The following DOCK8 variants were observed in gnomAD, a reference collection of about 807,000 sequenced individuals.
DOCK8 encodes dedicator of cytokinesis 8, also known as dedicator of cytokinesis protein 8.
DOCK8 carries 141 observed loss-of-function variants against 245.6 expected under a neutral mutation model. The observed-to-expected ratio is 0.57, with a 90% confidence interval of 0.50 to 0.66. The LOEUF is 0.66. Ranked by LOEUF, DOCK8 falls within the 30% of genes least tolerant of loss-of-function variation. The probability of loss-of-function intolerance (pLI) is 0.00; values close to 1 mark genes in which losing one functional copy is unlikely to be tolerated. For missense variants in DOCK8, 2,965 were observed against 2,603.4 expected, an observed-to-expected ratio of 1.14 and a Z score of -3.02; for synonymous variants, 1,168 against 970.2, an observed-to-expected ratio of 1.20 and a Z score of -3.79.
chr9:368,281 G>C, intron 15 of DOCK8, 146 bp downstream of exon 15: 1 of 794,294 alleles, frequency 1.3e-6, no homozygotes, highest in Non-Finnish European at 2.3e-6. Context: ...CTGTGCCCAG[G>C]ATATCAGTGG....
At chr9:285,591 G>A (rs1240717580) in intron 2 of DOCK8, among the ~76,000 whole-genome samples, 2 of 152,064 alleles carry the variant, frequency 1.3e-5, no homozygotes, top group Admixed American at 6.6e-5. Flanking sequence ...TCTTAGGGTG[G>A]TCATTCCTAA....
intron 1 of DOCK8, among the ~76,000 whole-genome samples, chr9:223,639 G>C (rs1354545119): frequency 6.6e-6 from 1 of 150,718 alleles, no homozygotes; most frequent in Non-Finnish European, 1.5e-5. Context: ...TTTTTTTAGG[G>C]AGAATCTGCT....
At position 289,523 on chromosome 9, in the gene DOCK8, C is replaced by T; in HGVS notation, c.346C>T (p.Pro116Ser). 1 of 1,613,492 alleles carries T rather than the reference C, an allele frequency of 6.2e-7. No individual in the cohort carries two copies. The highest frequency in any genetic ancestry group is 8.5e-7 in the Non-Finnish European group (1 of 1,179,650). Residue 116 changes from proline (P) to serine (S), a missense_variant, in exon 4 of 48, where the codon CCT (proline) becomes TCT (serine). Coordinates refer to ENST00000432829, the MANE Select transcript of DOCK8 (RefSeq NM_203447.4). ...CTACCTCATTAGGGTTGAACTGGAC[C>T]CTCATGTCAGGGACTGTGTTCAGAC... ...SLPEEGVELD[P>S]HVRDCVQTYI...
chr9:319,140 C>G (rs1012992482), intron 7 of DOCK8, among the ~76,000 whole-genome samples: 7 of 151,516 alleles, frequency 4.6e-5, no homozygotes, highest in African/African-American at 1.7e-4. Context: ...CTACCAAAAA[C>G]TAACAGATGT....
rs769914063 is a variant in DOCK8 at position 390,514 on chromosome 9, G to C, written c.2918G>C (p.Gly973Ala). Residue 973 changes from glycine to alanine, a missense_variant, in exon 24 of 48, where the codon GGA becomes GCA. Physicochemically the swap from Gly to Ala is moderately conservative, Grantham distance 60. Coordinates refer to ENST00000432829, the MANE Select transcript of DOCK8 (RefSeq NM_203447.4). ...ELALQMVVST[G>A]MVRETVFKYA... ...GCCCTTCAGATGGTGGTCAGCACCG[G>C]AATGGTGAGAGAAACAGTCTTCAAG... 2.5e-6 allele frequency: 4 copies of C among 1,614,032 alleles called. No homozygotes were observed. Among genetic ancestry groups the C allele is most frequent in the Non-Finnish European group, 3.4e-6 (4 of 1,180,004 alleles).
chr9:433,797 C>A, intron 37 of DOCK8, 78 bp from the exon 38 acceptor site: 3 of 1,231,158 alleles, frequency 2.4e-6, no homozygotes, highest in South Asian at 1.2e-5. Context: ...ATGGCTTCCC[C>A]TTGCATTTCA....
In DOCK8 at chr9:420,458, T is replaced by G. The variant is rs1302794627; in HGVS notation, c.3898T>G (p.Phe1300Val). Reference protein sequence around the residue: ...ADTTRNLMICFLWIMKNADQS... With the variant: ...ADTTRNLMICVLWIMKNADQS... ...CACTACTCGCAACCTCATGATCTGC[T>G]TCCTCTGGATCATGAAAAATGCTGA... is the stretch of plus-strand genomic sequence containing the variant. Residue 1300 changes from phenylalanine (F) to valine (V), a missense_variant, in exon 31 of 48, where the codon TTC (phenylalanine) becomes GTC (valine). By Grantham distance (50) the Phe-to-Val change is conservative. Transcript: ENST00000432829. The G allele has an allele frequency of 4.3e-6, 7 of 1,614,072 alleles. No homozygotes were observed. Among genetic ancestry groups the G allele is most frequent in the African/African-American group, 1.3e-5 (1 of 74,924 alleles).
At chr9:434,156 T>G (rs955103387) in intron 38 of DOCK8, among the ~76,000 whole-genome samples, 181 bp downstream of exon 38, 1 of 152,122 alleles carries the variant, frequency 6.6e-6, no homozygotes, top group African/African-American at 2.4e-5. Flanking sequence ...TTCAGAAGGA[T>G]CTCCCTAATT....
rs946184872 is a variant in DOCK8, at chr9:332,481, A to G, written c.1125+3A>G. The G allele has an allele frequency of 6.2e-7, 1 of 1,606,188 alleles. No individual in the cohort carries two copies. The highest frequency in any genetic ancestry group is 8.5e-7 in the Non-Finnish European group (1 of 1,172,844). On this transcript the variant is annotated splice_donor_region_variant and intron_variant, in intron 10 of 47. Transcript: ENST00000432829. ...TCAAAGAAAGTGATGGTGGAAAGGT[A>G]TGGTAATTTGAGTGTTGTTAAATGG...
intron 43 of DOCK8, among the ~76,000 whole-genome samples, chr9:445,664 G>A (rs2057231392): frequency 6.6e-6 from 1 of 152,200 alleles, no homozygotes; most frequent in African/African-American, 2.4e-5. Flanking sequence ...CCGTTGCTGA[G>A]TAGTATTCTG....
At chr9:391,727 G>A (rs2054199157) in intron 24 of DOCK8, among the ~76,000 whole-genome samples, 1 of 151,416 alleles carries the variant, frequency 6.6e-6, no homozygotes, top group Non-Finnish European at 1.5e-5. Context: ...AAATATATAT[G>A]CAAACAGTTC....
At chr9:446,808 A>G (rs1286114961) in intron 44 of DOCK8, among the ~76,000 whole-genome samples, 12 of 152,106 alleles carry the variant, frequency 7.9e-5, no homozygotes, top group African/African-American at 2.9e-4. Context: ...ACTATTGTAT[A>G]TTAAATATTT....
chr9:429,169 G>T (rs185313702), intron 35 of DOCK8, among the ~76,000 whole-genome samples: 1 of 152,142 alleles, frequency 6.6e-6, no homozygotes, highest in Non-Finnish European at 1.5e-5. Flanking sequence ...GTTTCACCAT[G>T]TTGGCCAGGC....
chr9:225,581 C>G (rs1451524025), intron 1 of DOCK8, among the ~76,000 whole-genome samples: 1 of 152,168 alleles, frequency 6.6e-6, no homozygotes, highest in Non-Finnish European at 1.5e-5. Context: ...TCATTTCATG[C>G]ATATTGCTTA....
chr9:357,997 C>G lies in DOCK8; in HGVS notation c.1680-10021C>G, dbSNP rs541720433. 8.5e-5 allele frequency among the ~76,000 whole-genome samples: 13 copies of G among 152,272 alleles called. 1 individual carries two copies. Among genetic ancestry groups the G allele is most frequent in the African/African-American group, 3.1e-4 (13 of 41,546 alleles). Reference sequence around the variant, plus strand: ...ATAAACACAAATAATGGCATGAGGCCGTGGCCACAGAATGACAAGACAGGA... The same window carrying G: ...ATAAACACAAATAATGGCATGAGGCGGTGGCCACAGAATGACAAGACAGGA... On this transcript the variant is annotated intron_variant, in intron 14 of 47. Coordinates refer to ENST00000432829, the MANE Select transcript of DOCK8 (RefSeq NM_203447.4).
intron 1 of DOCK8, among the ~76,000 whole-genome samples, chr9:223,456 A>G (rs1468747781): frequency 6.6e-6 from 1 of 152,006 alleles, no homozygotes; most frequent in South Asian, 2.1e-4. Flanking sequence ...AAAGAAAGGC[A>G]CTTTCCCTGG....
intron 19 of DOCK8, among the ~76,000 whole-genome samples, chr9:376,619 A>G (rs996340276): frequency 3.9e-5 from 6 of 152,170 alleles, no homozygotes; most frequent in African/African-American, 1.4e-4. Context: ...CCACTTTGCC[A>G]GCTTTTAAAA....
chr9:370,356 T>C, intron 16 of DOCK8, 56 bp downstream of exon 16: 1 of 1,532,846 alleles, frequency 6.5e-7, no homozygotes, highest in Non-Finnish European at 9.0e-7. Flanking sequence ...CATCTCCTGG[T>C]TTTTCCAAGT....
chr9:236,798 A>G (rs1451284783), intron 1 of DOCK8, among the ~76,000 whole-genome samples: 2 of 152,204 alleles, frequency 1.3e-5, no homozygotes, highest in Admixed American at 6.5e-5. Context: ...GGCTGCTTCC[A>G]TCTTACAGCT....
Sources: gnomAD v4.1 joint callset for allele counts (sites outside exome capture counted in the v4.1 genomes callset) on GRCh38, gnomAD v4.1.1 for gene constraint, MANE v1.5 for transcripts, NCBI Gene and HGNC (gene_info 2026-07-23, HGNC 2026-07-21) for gene names.